TAOK1: variants seen among roughly 807,000 people sequenced by gnomAD.
The protein encoded by TAOK1 is serine/threonine-protein kinase TAO1.
TAOK1 carries 21 observed loss-of-function variants against 138.3 expected under a neutral mutation model. That is an observed-to-expected ratio of 0.15 (90% CI 0.11 to 0.22). The LOEUF (loss-of-function observed/expected upper bound fraction) is 0.22, where lower values mean the gene tolerates loss of function less well. Among genes scored for constraint, TAOK1 ranks in the 10% least tolerant of loss-of-function variants. The probability of loss-of-function intolerance (pLI) is 1.00; values close to 1 mark genes in which losing one functional copy is unlikely to be tolerated. For synonymous variants in TAOK1, 361 were observed against 398.4 expected, an observed-to-expected ratio of 0.91 and a Z score of 1.12; for missense variants, 651 against 1,227.7, an observed-to-expected ratio of 0.53 and a Z score of 7.02.
chr17:29,505,898 G>A (rs576622017), intron 13 of TAOK1, among the ~76,000 whole-genome samples: 1 of 152,296 alleles, frequency 6.6e-6, no homozygotes, highest in South Asian at 2.1e-4. Context: ...TCGTGCCACT[G>A]TACTCCAGCG....
intron 16 of TAOK1, among the ~76,000 whole-genome samples, chr17:29,520,038 G>T (rs1298064402): frequency 1.3e-5 from 2 of 152,078 alleles, no homozygotes; most frequent in African/African-American, 4.8e-5. Flanking sequence ...AAAATGAGCT[G>T]GGTGTGGTGG....
intron 1 of TAOK1, among the ~76,000 whole-genome samples, chr17:29,409,715 T>C (rs1317105256): frequency 6.6e-6 from 1 of 152,234 alleles, no homozygotes; most frequent in Non-Finnish European, 1.5e-5. Flanking sequence ...GTTTAATCTC[T>C]TTTCTCACCT....
intron 2 of TAOK1, among the ~76,000 whole-genome samples, chr17:29,457,182 C>G (rs1158208080): frequency 1.4e-5 from 2 of 145,616 alleles, no homozygotes; most frequent in East Asian, 3.9e-4. Context: ...TCACTGCAAC[C>G]TCTGCCTCCT....
At chr17:29,402,299 A>C (rs1904869949) in intron 1 of TAOK1, among the ~76,000 whole-genome samples, 1 of 152,146 alleles carries the variant, frequency 6.6e-6, no homozygotes, top group Non-Finnish European at 1.5e-5. Context: ...TAAAAAAAGA[A>C]GACTTTCTAT....
chr17:29,486,012 G>A (rs2031164616), intron 8 of TAOK1, among the ~76,000 whole-genome samples: 1 of 152,176 alleles, frequency 6.6e-6, no homozygotes, highest in Non-Finnish European at 1.5e-5. Context: ...TTAAAATTAA[G>A]TGGTGGCTCA....
At chr17:29,525,362 C>T (rs368692494) in intron 17 of TAOK1, among the ~76,000 whole-genome samples, 91 of 152,238 alleles carry the variant, frequency 6.0e-4, no homozygotes, top group Middle Eastern at 3.4e-3. Context: ...CCGCCCGCCT[C>T]GGCCTCCCAA....
At chr17:29,418,380 A>AT (rs1327655906) in intron 1 of TAOK1, among the ~76,000 whole-genome samples, 1 of 151,590 alleles carries the variant, frequency 6.6e-6, no homozygotes, top group East Asian at 1.9e-4. Context: ...TTTTATTTTT[A>AT]TTTTTTGTAG....
At chr17:29,406,693 C>T (rs1306378647) in intron 1 of TAOK1, among the ~76,000 whole-genome samples, 1 of 151,896 alleles carries the variant, frequency 6.6e-6, no homozygotes, top group East Asian at 1.9e-4. Context: ...TACCCACCCC[C>T]CCAACTAAGC....
At chr17:29,503,331 G>A (rs964581170) in intron 13 of TAOK1, among the ~76,000 whole-genome samples, 1 of 147,792 alleles carries the variant, frequency 6.8e-6, no homozygotes, top group Non-Finnish European at 1.5e-5. Flanking sequence ...GGGAGGCAGA[G>A]CTTGCGGTGA....
chr17:29,521,331 T>A (rs2150766986), intron 16 of TAOK1, among the ~76,000 whole-genome samples: 1 of 152,322 alleles, frequency 6.6e-6, no homozygotes, highest in South Asian at 2.1e-4. Context: ...TTTAAAAAAA[T>A]GTTTAGAGCC....
intron 13 of TAOK1, 39 bp downstream of exon 13, chr17:29,502,762 A>G: frequency 1.3e-6 from 2 of 1,591,902 alleles, no homozygotes; most frequent in South Asian, 1.2e-5. Context: ...TATATTTTTC[A>G]TGTGGGACCT....
intron 11 of TAOK1, among the ~76,000 whole-genome samples, chr17:29,496,231 G>C (rs1360188070): frequency 6.6e-6 from 1 of 152,014 alleles, no homozygotes; most frequent in African/African-American, 2.4e-5. Flanking sequence ...CTCCCGAGTA[G>C]CTGGGATTAT....
intron 1 of TAOK1, among the ~76,000 whole-genome samples, chr17:29,437,056 T>TTTTG (rs1005770321): frequency 3.3e-5 from 5 of 152,038 alleles, no homozygotes; most frequent in South Asian, 2.1e-4. Flanking sequence ...AAAAAACCTT[T>TTTTG]TTTGTTTGTT....
intron 19 of TAOK1, 137 bp from the exon 20 acceptor site, chr17:29,542,423 GT>G: frequency 1.4e-6 from 1 of 707,982 alleles, no homozygotes; most frequent in Non-Finnish European, 2.1e-6. Context: ...AAGGGAAAAA[GT>G]TTAAATAAAA....
At chr17:29,443,848 G>T (rs2030008085) in intron 1 of TAOK1, among the ~76,000 whole-genome samples, 1 of 152,102 alleles carries the variant, frequency 6.6e-6, no homozygotes. Context: ...GGGCATGGTG[G>T]CTCACACCGT....
At chr17:29,442,304 C>T (rs2029963528) in intron 1 of TAOK1, among the ~76,000 whole-genome samples, 2 of 151,976 alleles carry the variant, frequency 1.3e-5, no homozygotes, top group Admixed American at 1.3e-4. Flanking sequence ...CCTAGGCCTC[C>T]CAAAGTGCTG....
In TAOK1 at chr17:29,549,686, C is replaced by T. The variant is rs1278178747; in HGVS notation, c.*6664C>T. 4 of 152,118 alleles carry T rather than the reference C, an allele frequency of 2.6e-5. No individual in the cohort carries two copies. Among genetic ancestry groups the T allele is most frequent in the Admixed American group, 6.5e-5 (1 of 15,278 alleles). The allele number at this position is 152,118 out of a possible 1,614,324, so 9.4% of individuals were successfully genotyped here. A position where few individuals can be genotyped will look rare whatever the true frequency, so the allele number is the denominator to read the frequency against. On this transcript the variant is annotated 3_prime_UTR_variant, in exon 20 of 20. Coordinates refer to ENST00000261716, the MANE Select transcript of TAOK1 (RefSeq NM_020791.4). ...CCATTTGTCTCGTATCCAAAAACCC[C>T]GGGGCTATTGGAACCCTTCCAACAC...
intron 19 of TAOK1, among the ~76,000 whole-genome samples, chr17:29,536,922 G>A (rs903951636): frequency 5.9e-5 from 9 of 151,920 alleles, no homozygotes; most frequent in Non-Finnish European, 1.3e-4. Context: ...GGATGGTCTC[G>A]ATCTCCTGAC....
intron 1 of TAOK1, among the ~76,000 whole-genome samples, chr17:29,400,266 C>T (rs183776634): frequency 2.0e-5 from 3 of 151,692 alleles, no homozygotes; most frequent in Non-Finnish European, 4.4e-5. Flanking sequence ...TGGTAGTGGG[C>T]GCCTGTAATC....
Sources: allele counts gnomAD v4.1 joint callset (sites outside exome capture counted in the v4.1 genomes callset), GRCh38; gene constraint gnomAD v4.1.1; transcripts MANE v1.5; gene names NCBI Gene and HGNC (gene_info 2026-07-23, HGNC 2026-07-21).